TANC1: variants seen among roughly 807,000 people sequenced by gnomAD.
The protein encoded by TANC1 is tetratricopeptide repeat, ankyrin repeat and coiled-coil containing 1.
TANC1 carries 77 observed loss-of-function variants against 149.7 expected under a neutral mutation model. The ratio of observed to expected loss-of-function variants is 0.51; its 90% CI spans 0.43 to 0.62. TANC1 has a LOEUF of 0.62. Among genes scored for constraint, TANC1 ranks in the 20% least tolerant of loss-of-function variants. The pLI is 0.00. For missense variants in TANC1, 1,985 were observed against 2,321.8 expected, an observed-to-expected ratio of 0.85 and a Z score of 2.98; for synonymous variants, 854 against 925.0, an observed-to-expected ratio of 0.92 and a Z score of 1.39.
rs780759967 is a variant in TANC1, at chr2:159,230,817, G to C, written c.5391G>C (p.Gly1797=). ...VSTLSASVHN[G]AQVKELEESK... ...CCCTGAGTGCAAGTGTCCACAATGGGGCACAAGTGAAGGAGCTAGAAGAAA... is the reference window on the plus strand; with the variant it reads ...CCCTGAGTGCAAGTGTCCACAATGGCGCACAAGTGAAGGAGCTAGAAGAAA... The change falls in exon 27 of 27, where the codon GGG becomes GGC. Residue 1797 remains glycine, a synonymous_variant. Coordinates refer to ENST00000263635, the MANE Select transcript of TANC1 (RefSeq NM_033394.3). The surrounding 1 kb of genome is among the most constrained non-coding windows in gnomAD (Gnocchi z 4.4). 1 of 1,614,078 alleles carries C rather than the reference G, an allele frequency of 6.2e-7. No homozygotes were observed. Among genetic ancestry groups the C allele is most frequent in the Non-Finnish European group, 8.5e-7 (1 of 1,180,044 alleles).
intron 14 of TANC1, among the ~76,000 whole-genome samples, chr2:159,179,979 G>A (rs2056313635): frequency 6.6e-6 from 1 of 152,212 alleles, no homozygotes; most frequent in Non-Finnish European, 1.5e-5. Context: ...GCCCCCTGCT[G>A]TAGTAACAGG....
intron 1 of TANC1, among the ~76,000 whole-genome samples, chr2:158,981,269 C>T (rs922621693): frequency 3.3e-5 from 5 of 150,682 alleles, no homozygotes; most frequent in African/African-American, 9.8e-5. Context: ...CTGGGCAACA[C>T]GGTGAGACCT....
intron 1 of TANC1, among the ~76,000 whole-genome samples, chr2:158,995,958 C>T (rs753698401): frequency 1.3e-5 from 2 of 152,226 alleles, no homozygotes; most frequent in Admixed American, 6.5e-5. Flanking sequence ...TCTTCTTTGT[C>T]AGATCCAACA....
chr2:159,202,047 GA>G, intron 19 of TANC1, among the ~76,000 whole-genome samples: 1 of 152,330 alleles, frequency 6.6e-6, no homozygotes, highest in Middle Eastern at 3.4e-3. Flanking sequence ...GCAATTCAGT[GA>G]ATCTATTCCA....
At chr2:159,106,093 T>C (rs956931397) in intron 4 of TANC1, among the ~76,000 whole-genome samples, 9 of 152,220 alleles carry the variant, frequency 5.9e-5, no homozygotes, top group Admixed American at 6.5e-5. Context: ...ATTTATTCCA[T>C]TGCATTTTTT....
At chr2:159,205,838 C>T (rs781016554) in intron 19 of TANC1, among the ~76,000 whole-genome samples, 31 of 152,302 alleles carry the variant, frequency 2.0e-4, no homozygotes, top group East Asian at 3.9e-4. Context: ...GGAAGGAAAG[C>T]GTTTGCCCAT....
intron 21 of TANC1, 74 bp downstream of exon 21, chr2:159,219,435 TTC>T (rs1237162357): frequency 1.3e-6 from 2 of 1,584,876 alleles, no homozygotes; most frequent in African/African-American, 2.7e-5. Flanking sequence ...ATTCAGTGCT[TTC>T]TGATTCAAAT....
chr2:159,168,751 G>A (rs13005724), intron 8 of TANC1, among the ~76,000 whole-genome samples: 2,988 of 152,074 alleles, frequency 0.02, 43 homozygotes, highest in Non-Finnish European at 0.033. Context: ...TTGAAGCTTA[G>A]GAATATGATT....
intron 22 of TANC1, 149 bp downstream of exon 22, chr2:159,220,016 G>GTGTC (rs1553616319): frequency 2.3e-3 from 1,575 of 694,360 alleles, no homozygotes; most frequent in Non-Finnish European, 2.8e-3. Flanking sequence ...GTGTGTGTGT[G>GTGTC]TGTGTCTTGT....
chr2:159,229,454 C>A (rs528206793), intron 26 of TANC1, 124 bp from the exon 27 acceptor site: 3 of 817,068 alleles, frequency 3.7e-6, no homozygotes, highest in Non-Finnish European at 5.7e-6. Context: ...CTGGCCACCA[C>A]CGTAAGTGTT....
At chr2:159,124,741 C>G (rs2049215616) in intron 4 of TANC1, among the ~76,000 whole-genome samples, 1 of 150,800 alleles carries the variant, frequency 6.6e-6, no homozygotes, top group African/African-American at 2.4e-5. Context: ...AAATCAGCTG[C>G]ATTTTTTTTT....
intron 5 of TANC1, among the ~76,000 whole-genome samples, chr2:159,139,018 G>A (rs2150226379): frequency 6.6e-6 from 1 of 152,308 alleles, no homozygotes; most frequent in African/African-American, 2.4e-5. Context: ...TCTGGGAAGT[G>A]TGGGTTCGAT....
chr2:159,186,317 G>A (rs562029515), intron 15 of TANC1, among the ~76,000 whole-genome samples: 55 of 152,256 alleles, frequency 3.6e-4, no homozygotes, highest in African/African-American at 1.1e-3. Context: ...GAGCAGTGGT[G>A]GGATCATAGC....
At chr2:159,162,689 G>T (rs550861953) in intron 7 of TANC1, among the ~76,000 whole-genome samples, 2 of 152,316 alleles carry the variant, frequency 1.3e-5, no homozygotes, top group South Asian at 4.1e-4. Context: ...CTGGATATGG[G>T]AAGGTTTTCC....
intron 1 of TANC1, among the ~76,000 whole-genome samples, chr2:158,974,347 T>C (rs2033341405): frequency 6.6e-6 from 1 of 152,244 alleles, no homozygotes. Flanking sequence ...TTCCCACGGA[T>C]ACTAAAATCC....
intron 2 of TANC1, among the ~76,000 whole-genome samples, chr2:159,042,235 A>C (rs1574295810): frequency 6.6e-6 from 1 of 152,134 alleles, no homozygotes; most frequent in African/African-American, 2.4e-5. Context: ...ACCTGTTAGC[A>C]CCCTGGTGCC....
At chr2:159,072,394 A>G (rs2043232265) in intron 3 of TANC1, among the ~76,000 whole-genome samples, 1 of 152,208 alleles carries the variant, frequency 6.6e-6, no homozygotes, top group Admixed American at 6.5e-5. Context: ...AAAAGCATGG[A>G]CTTTGAAATT....
intron 2 of TANC1, among the ~76,000 whole-genome samples, chr2:159,033,061 G>T (rs1286942365): frequency 1.3e-5 from 2 of 152,162 alleles, no homozygotes; most frequent in Admixed American, 1.3e-4. Context: ...GCCACTGTTT[G>T]TACAGCCTAA....
intron 2 of TANC1, among the ~76,000 whole-genome samples, chr2:159,017,656 T>C (rs1174729967): frequency 6.6e-6 from 1 of 151,776 alleles, no homozygotes; most frequent in Admixed American, 6.6e-5. Flanking sequence ...GAAAGAGAGA[T>C]GCCTTGCAGA....
Sources: gnomAD v4.1 joint callset for allele counts (sites outside exome capture counted in the v4.1 genomes callset) on GRCh38, gnomAD v4.1.1 for gene constraint, Gnocchi (gnomAD v3.1) non-coding constraint, MANE v1.5 for transcripts, NCBI Gene and HGNC (gene_info 2026-07-23, HGNC 2026-07-21) for gene names.